The following SLC22A13 variants were observed in gnomAD, a reference collection of about 807,000 sequenced individuals.
SLC22A13 encodes the protein organic anion transporter 10.
SLC22A13 carries 42 observed loss-of-function variants against 49.1 expected under a neutral mutation model. The ratio of observed to expected loss-of-function variants is 0.85; its 90% CI spans 0.67 to 1.11. The LOEUF is 1.11. Among genes scored for constraint, SLC22A13 ranks in the 50% least tolerant of loss-of-function variants. The pLI is 0.00. For synonymous variants in SLC22A13, 282 were observed against 293.1 expected, an observed-to-expected ratio of 0.96 and a Z score of 0.39; for missense variants, 694 against 712.8, an observed-to-expected ratio of 0.97 and a Z score of 0.30.
chr3:38,269,734 A>G (rs1265180771), intron 1 of SLC22A13, among the ~76,000 whole-genome samples: 1 of 151,848 alleles, frequency 6.6e-6, no homozygotes, highest in Non-Finnish European at 1.5e-5. Flanking sequence ...TTATTATTAT[A>G]CTTTAAGTTT....
Position 38,277,462 on chromosome 3 carries a change from C to G in SLC22A13, c.1653C>G (p.Phe551Leu). 6.2e-7 allele frequency: 1 copy of G among 1,611,860 alleles called. No homozygotes were observed. Residue 551 changes from phenylalanine to leucine, a missense_variant, in exon 10 of 10, where the codon TTC becomes TTG. Coordinates refer to ENST00000311856, the MANE Select transcript of SLC22A13 (RefSeq NM_004256.4). ...TGGCCTTTGTGAGCAGCACATACTT[C>G]TGATTGAGGTCTCTAAGAGCTGGAC... ...PGVAFVSSTY[F>L]
intron 4 of SLC22A13, 54 bp from the exon 5 acceptor site, chr3:38,275,316 G>A (rs2125864005): frequency 6.2e-7 from 1 of 1,609,078 alleles, no homozygotes; most frequent in Non-Finnish European, 8.5e-7. Context: ...GGAACAAGCT[G>A]GAAAGCTCCC....
At position 38,275,173 on chromosome 3, in the gene SLC22A13, G is replaced by A. The variant is rs1226108960; in HGVS notation, c.806+16G>A. 1.2e-6 allele frequency: 2 copies of A among 1,613,516 alleles called. No homozygotes were observed. Among genetic ancestry groups the A allele is most frequent in the South Asian group, 2.2e-5 (2 of 91,088 alleles). On this transcript the variant is annotated intron_variant, in intron 4 of 9. Transcript: ENST00000311856. ...TCTACTTCTGGTGAGGAAAATACATGCCAGGAGCAAGCCCCCCCAGGTTAG... is the reference window on the plus strand; with the variant it reads ...TCTACTTCTGGTGAGGAAAATACATACCAGGAGCAAGCCCCCCCAGGTTAG...
At chr3:38,276,141 C>T (rs567074217) in intron 7 of SLC22A13, 45 bp downstream of exon 7, 29 of 1,557,606 alleles carry the variant, frequency 1.9e-5, no homozygotes, top group African/African-American at 6.8e-5. Context: ...CCTCACCCAC[C>T]GGCTGCCAGG....
At chr3:38,270,497 AT>A in intron 1 of SLC22A13, 1 of 216,584 alleles carries the variant, frequency 4.6e-6, no homozygotes. Context: ...TTTCTTTCAC[AT>A]TTTTGAATGA....
At chr3:38,274,236 A>G (rs761019523) in intron 1 of SLC22A13, 36 bp from the exon 2 acceptor site, 1 of 1,508,244 alleles carries the variant, frequency 6.6e-7, no homozygotes, top group Non-Finnish European at 9.2e-7. Context: ...CCCTCCTTGC[A>G]GCCCCTGGAC....
rs777919833 is a variant in SLC22A13 at position 38,277,419 on chromosome 3, G to A, written c.1610G>A (p.Arg537Lys). The change falls in exon 10 of 10, where the codon AGA becomes AAA. Residue 537 changes from arginine to lysine, a missense_variant. By Grantham distance (26) the Arg-to-Lys change is conservative (BLOSUM62 2). Coordinates refer to ENST00000311856, the MANE Select transcript of SLC22A13 (RefSeq NM_004256.4). ...PSEKETEAKG[R>K]TSSPGVAFVS... ...GAGAAGGAAACAGAGGCCAAGGGAA[G>A]AACTTCCAGCCCGGGAGTGGCCTTT... 1 of 1,614,168 alleles carries A rather than the reference G, an allele frequency of 6.2e-7. No individual in the cohort carries two copies. Among genetic ancestry groups the A allele is most frequent in the Non-Finnish European group, 8.5e-7 (1 of 1,179,984 alleles).
In SLC22A13 at chr3:38,277,754, C is replaced by CT. The variant is rs11425194; in HGVS notation, c.*290dup. ...GTATGTCTTGGAATTAACTTGTCCT[C>CT]TAACAATCTTCATGGGGTATGGCTC... is the stretch of plus-strand genomic sequence containing the variant. On this transcript the variant is annotated 3_prime_UTR_variant, in exon 10 of 10. Transcript: ENST00000311856. 0.027 allele frequency: 7,621 copies of CT among 283,358 alleles called. 450 individuals carry two copies. Among genetic ancestry groups the CT allele is most frequent in the African/African-American group, 0.13 (6,139 of 45,872 alleles). The allele number at this position is 283,358 out of a possible 1,614,324, so 17.6% of individuals were successfully genotyped here.
rs151201297 is a variant in SLC22A13, at chr3:38,275,057, G to A, written c.706G>A (p.Gly236Arg). ...VVLAQCNFSLGQMVLAGLAYG... is the reference protein window; with the variant it reads ...VVLAQCNFSLRQMVLAGLAYG... ...CCTGGCCCAGTGCAACTTCTCCCTC[G>A]GGCAGATGGTGCTTGCGGGACTCGC... Residue 236 changes from glycine (G) to arginine (R), a missense_variant, in exon 4 of 10, where the codon GGG becomes AGG. Physicochemically the swap from Gly to Arg is moderately radical, Grantham distance 125. Transcript: ENST00000311856. The A allele has an allele frequency of 1.5e-5, 24 of 1,614,220 alleles. No homozygotes were observed. The highest frequency in any genetic ancestry group is 1.6e-4 in the Middle Eastern group (1 of 6,062).
intron 1 of SLC22A13, among the ~76,000 whole-genome samples, chr3:38,269,647 A>T (rs926801641): frequency 6.6e-6 from 1 of 152,228 alleles, no homozygotes; most frequent in African/African-American, 2.4e-5. Flanking sequence ...AGATGTTCAC[A>T]GCAGCACATG....
Position 38,274,308 on chromosome 3 carries a change from A to G in SLC22A13, c.415A>G (p.Thr139Ala). 1.2e-6 allele frequency: 2 copies of G among 1,614,134 alleles called. No individual in the cohort carries two copies. Among genetic ancestry groups the G allele is most frequent in the Non-Finnish European group, 1.7e-6 (2 of 1,180,002 alleles). The part of the protein sequence containing the change: ...LVCDRKHLKD[T>A]TQSVFMAGLL... ...TTGTGATCGGAAGCACCTGAAGGACACCACACAGTCAGTGTTCATGGCTGG... is the reference window on the plus strand; with the variant it reads ...TTGTGATCGGAAGCACCTGAAGGACGCCACACAGTCAGTGTTCATGGCTGG... The change falls in exon 2 of 10, where the codon ACC (threonine) becomes GCC (alanine). Residue 139 changes from threonine (T) to alanine (A), a missense_variant. By Grantham distance (58) the Thr-to-Ala change is moderately conservative. Transcript: ENST00000311856.
rs761508308 is a variant in SLC22A13 at position 38,275,674 on chromosome 3, T to C, written c.1022+2T>C. ...GACCCTGATTATCTTCTGTGTCTGG[T>C]GAGTGCCCAGAACCCGAGGACAGAA... On this transcript the variant is annotated splice_donor_variant, in intron 6 of 9. Transcript: ENST00000311856. LOFTEE classifies it high-confidence loss of function. The C allele has an allele frequency of 6.8e-6, 11 of 1,613,452 alleles. No homozygotes were observed. The African/African-American group carries it at 1.1e-4, about 16-fold the overall frequency.
rs180976579 is a variant in SLC22A13 at position 38,271,402 on chromosome 3, A to C, written c.379-2870A>C. Reference sequence around the variant, plus strand: ...CAATATAGTGAGACCTCATCTCTACAAAAAAATAAAATAATCAGCCAGGCA... The same window carrying C: ...CAATATAGTGAGACCTCATCTCTACCAAAAAATAAAATAATCAGCCAGGCA... On this transcript the variant is annotated intron_variant, in intron 1 of 9. Transcript: ENST00000311856. Among the ~76,000 whole-genome samples the C allele has an allele frequency of 1.4e-4, 22 of 152,048 alleles. 1 individual carries two copies. The East Asian group carries it at 3.7e-3, about 25-fold the overall frequency.
At chr3:38,268,490 T>C (rs1315506890) in intron 1 of SLC22A13, among the ~76,000 whole-genome samples, 28 of 152,220 alleles carry the variant, frequency 1.8e-4, no homozygotes, top group Admixed American at 1.8e-3. Context: ...CACACACTCT[T>C]AAGCTGCACA....
intron 1 of SLC22A13, among the ~76,000 whole-genome samples, chr3:38,268,616 T>A (rs551422294): frequency 6.6e-6 from 1 of 152,324 alleles, no homozygotes; most frequent in African/African-American, 2.4e-5. Context: ...GTGAAAGAAG[T>A]TGGAAATTAA....
Position 38,277,122 on chromosome 3 carries a change from C to T in SLC22A13, c.1557C>T (p.His519=), listed in dbSNP as rs139942119. Reference sequence around the variant, plus strand: ...TCCAGGACCTGGAGCTGGGGCCTCACCCACGGTGAGCTGCTTGCTTGCACT... The same window carrying T: ...TCCAGGACCTGGAGCTGGGGCCTCATCCACGGTGAGCTGCTTGCTTGCACT... ...DTLQDLELGP[H]PRSPKSVPSE... The change falls in exon 9 of 10, where the codon CAC becomes CAT. Residue 519 remains histidine, a synonymous_variant. Transcript: ENST00000311856. The T allele has an allele frequency of 2.4e-5, 37 of 1,557,640 alleles. 1 individual carries two copies. In the African/African-American group the frequency reaches 4.8e-4, roughly 20 times the overall value.
intron 1 of SLC22A13, among the ~76,000 whole-genome samples, chr3:38,271,300 C>T (rs142966343): frequency 4.6e-5 from 7 of 151,978 alleles, no homozygotes; most frequent in Non-Finnish European, 5.9e-5. Context: ...TGCAGTGGCT[C>T]GTGCCTGTAA....
rs946871096 is a variant in SLC22A13 at position 38,274,861 on chromosome 3, C to T, written c.637+103C>T. ...TGTGGAGGTCTTTTCAGGTACCCCACATCTGAAGTGGTCGCACTGGTGCTT... is the reference window on the plus strand; with the variant it reads ...TGTGGAGGTCTTTTCAGGTACCCCATATCTGAAGTGGTCGCACTGGTGCTT... On this transcript the variant is annotated intron_variant, in intron 3 of 9. Coordinates refer to ENST00000311856, the MANE Select transcript of SLC22A13 (RefSeq NM_004256.4). 42 of 1,540,678 alleles carry T rather than the reference C, an allele frequency of 2.7e-5. No individual in the cohort carries two copies. The East Asian group carries it at 9.1e-4, about 33-fold the overall frequency.
chr3:38,275,376 G>A lies in SLC22A13; in HGVS notation c.813G>A (p.Leu271=), dbSNP rs771450147. Residue 271 remains leucine, a synonymous_variant, in exon 5 of 10, where the codon CTG becomes CTA. Transcript: ENST00000311856. The part of the protein sequence containing the change: ...GLLLFFYFWA[L]PESARWLLTR... ...AGCCGTTGCTGACCCACAGGGCTCT[G>A]CCAGAATCTGCACGTTGGCTCCTGA... The A allele has an allele frequency of 8.9e-5, 144 of 1,614,120 alleles. 1 individual carries two copies. The East Asian group carries it at 3.1e-3, about 35-fold the overall frequency.
Sources: gnomAD v4.1 joint callset for allele counts (sites outside exome capture counted in the v4.1 genomes callset) on GRCh38, gnomAD v4.1.1 for gene constraint, MANE v1.5 for transcripts, NCBI Gene and HGNC (gene_info 2026-07-23, HGNC 2026-07-21) for gene names.